Variants in PIK3CB observed in about 807,000 individuals in gnomAD.
The protein encoded by PIK3CB is phosphatidylinositol-4,5-bisphosphate 3-kinase catalytic subunit beta, also known as phosphatidylinositol 4,5-bisphosphate 3-kinase catalytic subunit beta isoform.
A neutral mutation model predicts 136.8 loss-of-function variants in PIK3CB; 39 were observed. That is an observed-to-expected ratio of 0.29 (90% CI 0.22 to 0.37). The LOEUF is 0.37. PIK3CB is among the 10% of genes least tolerant of loss of function. PIK3CB has a pLI of 1.00. For missense variants in PIK3CB, 868 were observed against 1,275.4 expected, an observed-to-expected ratio of 0.68 and a Z score of 4.87; for synonymous variants, 428 against 436.6, an observed-to-expected ratio of 0.98 and a Z score of 0.25.
At chr3:138,806,925 A>G (rs1263637723) in intron 1 of PIK3CB, among the ~76,000 whole-genome samples, 1 of 152,228 alleles carries the variant, frequency 6.6e-6, no homozygotes, top group Non-Finnish European at 1.5e-5. Context: ...AAACTTTATA[A>G]TATGCGCAAG....
intron 2 of PIK3CB, among the ~76,000 whole-genome samples, chr3:138,785,144 T>C (rs1175925604): frequency 6.8e-6 from 1 of 146,720 alleles, no homozygotes; most frequent in Admixed American, 6.7e-5. Flanking sequence ...GGGAGGGAGA[T>C]GGGGGGCAGC....
chr3:138,733,551 A>G (rs1189900153), intron 7 of PIK3CB, 113 bp from the exon 8 acceptor site: 2 of 558,088 alleles, frequency 3.6e-6, no homozygotes, highest in Non-Finnish European at 6.3e-6. Flanking sequence ...ATGAAAATAG[A>G]GCTCTAAACT....
intron 13 of PIK3CB, among the ~76,000 whole-genome samples, chr3:138,695,208 T>C (rs994013353): frequency 6.6e-6 from 1 of 152,246 alleles, no homozygotes; most frequent in African/African-American, 2.4e-5. Flanking sequence ...TGATAAAATC[T>C]TATTCCTTAG....
At chr3:138,732,813 C>T (rs577835621) in intron 8 of PIK3CB, among the ~76,000 whole-genome samples, 8 of 150,888 alleles carry the variant, frequency 5.3e-5, no homozygotes, top group African/African-American at 1.9e-4. Context: ...AACATGAGAT[C>T]TATAGTTTTG....
chr3:138,708,324 G>C (rs142149326), intron 10 of PIK3CB, among the ~76,000 whole-genome samples: 91 of 137,310 alleles, frequency 6.6e-4, no homozygotes, highest in African/African-American at 2.3e-3. Flanking sequence ...GCAGTGGCAT[G>C]ATCTTGGCTC....
intron 1 of PIK3CB, among the ~76,000 whole-genome samples, chr3:138,815,965 A>C (rs1449912938): frequency 6.6e-6 from 1 of 152,156 alleles, no homozygotes; most frequent in Non-Finnish European, 1.5e-5. Context: ...ACACACACAC[A>C]CTCAGTGATA....
intron 2 of PIK3CB, among the ~76,000 whole-genome samples, chr3:138,779,103 T>C (rs2045893462): frequency 1.4e-5 from 1 of 71,128 alleles, no homozygotes; most frequent in African/African-American, 5.3e-5. Context: ...TTTTTTTTTT[T>C]GAGACGGAGT....
At chr3:138,753,165 G>A (rs534997672) in intron 4 of PIK3CB, among the ~76,000 whole-genome samples, 45 of 152,134 alleles carry the variant, frequency 3.0e-4, no homozygotes, top group African/African-American at 1.1e-3. Context: ...TGCAGTGACT[G>A]GTGGTTGCAC....
intron 1 of PIK3CB, among the ~76,000 whole-genome samples, chr3:138,834,355 C>T (rs113562645): frequency 3.3e-5 from 5 of 152,348 alleles, no homozygotes; most frequent in African/African-American, 1.2e-4. Context: ...ACGCGGGGCG[C>T]GAGTACGCCG....
At chr3:138,760,259 C>T (rs1576397237) in intron 2 of PIK3CB, among the ~76,000 whole-genome samples, 1 of 152,094 alleles carries the variant, frequency 6.6e-6, no homozygotes, top group East Asian at 1.9e-4. Context: ...ACGGCCCATC[C>T]CCTAAGCATT....
At chr3:138,702,241 CTTT>C (rs549125865) in intron 12 of PIK3CB, among the ~76,000 whole-genome samples, 2 of 142,028 alleles carry the variant, frequency 1.4e-5, no homozygotes, top group Non-Finnish European at 3.1e-5. Flanking sequence ...CCAGTTAATA[CTTT>C]TTTTTTTTTT....
chr3:138,701,837 G>T (rs2044261114), intron 12 of PIK3CB, among the ~76,000 whole-genome samples: 1 of 149,724 alleles, frequency 6.7e-6, no homozygotes, highest in African/African-American at 2.4e-5. Context: ...AGTAATTAAT[G>T]CTATGGAATG....
At chr3:138,667,648 A>C (rs1577049392) in intron 19 of PIK3CB, among the ~76,000 whole-genome samples, 1 of 148,712 alleles carries the variant, frequency 6.7e-6, no homozygotes. Context: ...TGCAAGCTCC[A>C]CCTCCCGGGT....
chr3:138,813,571 C>T (rs1933173136), intron 1 of PIK3CB, among the ~76,000 whole-genome samples: 1 of 151,976 alleles, frequency 6.6e-6, no homozygotes, highest in African/African-American at 2.4e-5. Context: ...GCGCCCACCA[C>T]CACACCCACC....
intron 2 of PIK3CB, chr3:138,778,812 G>T: frequency 4.5e-6 from 1 of 223,728 alleles, no homozygotes; most frequent in South Asian, 7.2e-5. Context: ...ATGGCCTCCT[G>T]GACCACCAGC....
chr3:138,795,539 G>T (rs2046100210), intron 2 of PIK3CB, among the ~76,000 whole-genome samples: 1 of 152,054 alleles, frequency 6.6e-6, no homozygotes, highest in South Asian at 2.1e-4. Flanking sequence ...GCTGAGGCAG[G>T]GGAATAGCTT....
intron 19 of PIK3CB, among the ~76,000 whole-genome samples, chr3:138,674,138 G>A (rs377114532): frequency 7.9e-5 from 12 of 151,812 alleles, no homozygotes; most frequent in Admixed American, 3.9e-4. Flanking sequence ...ATGGTGCACT[G>A]AAAAGCTCCA....
chr3:138,795,180 C>T (rs1297658623), intron 2 of PIK3CB, among the ~76,000 whole-genome samples: 1 of 151,434 alleles, frequency 6.6e-6, no homozygotes, highest in Non-Finnish European at 1.5e-5. Flanking sequence ...ATTAGCCGAC[C>T]ATAGTGGTGG....
At chr3:138,794,038 C>T (rs1378212935) in intron 2 of PIK3CB, among the ~76,000 whole-genome samples, 1 of 152,194 alleles carries the variant, frequency 6.6e-6, no homozygotes, top group Non-Finnish European at 1.5e-5. Flanking sequence ...TCTCAGCTTA[C>T]TGCAACCTCC....
Sources: allele counts gnomAD v4.1 joint callset (sites outside exome capture counted in the v4.1 genomes callset), GRCh38; gene constraint gnomAD v4.1.1; transcripts MANE v1.5; gene names NCBI Gene and HGNC (gene_info 2026-07-23, HGNC 2026-07-21).